SETD3: variants seen among roughly 807,000 people sequenced by gnomAD.
SETD3 encodes the protein actin-histidine N-methyltransferase.
Under a neutral mutation model 63.0 loss-of-function variants are expected in SETD3, and 19 were observed. The observed-to-expected ratio is 0.30, with a 90% CI of 0.21 to 0.44. The LOEUF is 0.44. SETD3 is among the 20% of genes least tolerant of loss of function. SETD3 has a pLI of 1.00. For synonymous variants in SETD3, 286 were observed against 264.1 expected (o/e 1.08, Z -0.80); for missense variants, 587 against 728.5 (o/e 0.81, Z 2.24).
upstream of SETD3, among the ~76,000 whole-genome samples, chr14:99,483,401 A>C (rs1896404772): frequency 6.6e-6 from 1 of 152,100 alleles, no homozygotes; most frequent in Non-Finnish European, 1.5e-5. Flanking sequence ...AAAAATCAAA[A>C]AATTAGCCAG....
In SETD3 at chr14:99,461,266, C is replaced by G. The variant is rs777078809; in HGVS notation, c.271G>C (p.Ala91Pro). Residue 91 changes from alanine to proline, a missense_variant, in exon 4 of 13, where the codon GCT becomes CCT. Ala to Pro is a conservative substitution (Grantham distance 27). Transcript: ENST00000331768. ...ACCATTTCAAAACCCTCGACAGAAG[C>G]CCCATTTTCAGAGGCCCATTTCATT... Reference protein sequence around the residue: ...DLMKWASENGASVEGFEMVNF... With the variant: ...DLMKWASENGPSVEGFEMVNF... The G allele has an allele frequency of 6.2e-7, 1 of 1,614,210 alleles. No individual in the cohort carries two copies. The highest frequency in any genetic ancestry group is 1.7e-5 in the Admixed American group (1 of 60,028).
Position 99,479,272 on chromosome 14 carries a change from G to A in SETD3, c.-9+1456C>T, listed in dbSNP as rs146722103. Among the ~76,000 whole-genome samples the A allele has an allele frequency of 1.1e-3, 162 of 152,328 alleles. 1 individual carries two copies. The highest frequency in any genetic ancestry group is 3.8e-3 in the African/African-American group (157 of 41,566). On this transcript the variant is annotated intron_variant, in intron 1 of 12. Coordinates refer to ENST00000331768, the MANE Select transcript of SETD3 (RefSeq NM_032233.3). The stretch of plus-strand genomic sequence containing the variant: ...ATAAAGAGGTTCTGTAGCTGTTTGA[G>A]AACTTGGCTTTGCAAACTACTTTCT...
At chr14:99,406,491 T>A (rs768066772) in intron 9 of SETD3, 25 bp downstream of exon 9, 1 of 1,610,998 alleles carries the variant, frequency 6.2e-7, no homozygotes, top group African/African-American at 1.3e-5. Context: ...CTGGCTCACA[T>A]TTTGTGAGAT....
At chr14:99,423,898 G>A (rs933329531) in intron 6 of SETD3, among the ~76,000 whole-genome samples, 3 of 151,346 alleles carry the variant, frequency 2.0e-5, no homozygotes, top group African/African-American at 7.3e-5. Flanking sequence ...ATCATACTTT[G>A]CCTTATATTT....
chr14:99,466,417 G>A lies in SETD3; in HGVS notation c.-8-604C>T, dbSNP rs1022508029. Among the ~76,000 whole-genome samples the A allele has an allele frequency of 2.6e-5, 4 of 152,286 alleles. No individual in the cohort carries two copies. In the South Asian group the frequency reaches 8.3e-4, roughly 32 times the overall value. Reference sequence around the variant, plus strand: ...ACCCGGGACTTGAACGAGGTCTCCCGTCGCGTTCCAGTGTGCCACACACGG... The same window carrying A: ...ACCCGGGACTTGAACGAGGTCTCCCATCGCGTTCCAGTGTGCCACACACGG... On this transcript the variant is annotated intron_variant, in intron 1 of 12. Coordinates refer to ENST00000331768, the MANE Select transcript of SETD3 (RefSeq NM_032233.3).
chr14:99,474,151 G>A (rs959622393), intron 1 of SETD3, among the ~76,000 whole-genome samples: 7 of 151,890 alleles, frequency 4.6e-5, no homozygotes, highest in South Asian at 4.1e-4. Flanking sequence ...TGAGACCCCC[G>A]CCAGCTCTAC....
chr14:99,418,115 A>G (rs2139655389), intron 6 of SETD3, among the ~76,000 whole-genome samples: 1 of 152,346 alleles, frequency 6.6e-6, no homozygotes, highest in South Asian at 2.1e-4. Flanking sequence ...ACTGTATGTT[A>G]AAGAATTTAC....
At chr14:99,421,244 GTTA>G (rs1418530002) in intron 6 of SETD3, among the ~76,000 whole-genome samples, 2 of 152,052 alleles carry the variant, frequency 1.3e-5, no homozygotes, top group Non-Finnish European at 2.9e-5. Flanking sequence ...ACGGTAAAAA[GTTA>G]TTATTTTATA....
chr14:99,410,087 G>A (rs370673955), intron 8 of SETD3: 146 of 853,592 alleles, frequency 1.7e-4, no homozygotes, highest in Non-Finnish European at 2.1e-4. Context: ...AGCTGGAGGC[G>A]TAGTCATTCC....
At chr14:99,473,620 G>T (rs1895818420) in intron 1 of SETD3, among the ~76,000 whole-genome samples, 1 of 152,126 alleles carries the variant, frequency 6.6e-6, no homozygotes, top group South Asian at 2.1e-4. Flanking sequence ...TGGTCCTAAG[G>T]ATGGCTTCCT....
At chr14:99,427,730 G>A (rs191699540) in intron 6 of SETD3, among the ~76,000 whole-genome samples, 1 of 152,298 alleles carries the variant, frequency 6.6e-6, no homozygotes, top group African/African-American at 2.4e-5. Flanking sequence ...GGGGGACAAT[G>A]AGCAAGATGA....
chr14:99,453,575 A>C (rs966482391), intron 6 of SETD3, among the ~76,000 whole-genome samples: 1 of 152,146 alleles, frequency 6.6e-6, no homozygotes, highest in Non-Finnish European at 1.5e-5. Context: ...CTGTAATCCC[A>C]GCACTTTGGG....
At chr14:99,480,626 G>A (rs1480743918) in intron 1 of SETD3, 102 bp downstream of exon 1, 8 of 150,760 alleles carry the variant, frequency 5.3e-5, no homozygotes, top group Non-Finnish European at 8.9e-5. Flanking sequence ...CTTCGGCCGA[G>A]GGGCGCTGGC....
intron 8 of SETD3, 69 bp downstream of exon 8, chr14:99,412,882 A>G (rs2139642425): frequency 9.1e-7 from 1 of 1,097,586 alleles, no homozygotes; most frequent in South Asian, 1.3e-5. Flanking sequence ...GTGGAATAAC[A>G]GCCCCCTCCC....
rs115858266 is a variant in SETD3 at position 99,415,775 on chromosome 14, A to G, written c.676-1841T>C. 1.6e-3 allele frequency among the ~76,000 whole-genome samples: 239 copies of G among 152,386 alleles called. No homozygotes were observed. The Middle Eastern group carries it at 0.02, about 13-fold the overall frequency. On this transcript the variant is annotated intron_variant, in intron 6 of 12. Transcript: ENST00000331768. ...ATCTGGTTAAAAAAAAGATTCTGCC[A>G]CTGACACATGCACTTAACAGTGACA...
chr14:99,472,831 C>CA (rs538041359), intron 1 of SETD3, among the ~76,000 whole-genome samples: 2 of 151,542 alleles, frequency 1.3e-5, no homozygotes, highest in Non-Finnish European at 2.9e-5. Flanking sequence ...AAAATAGGAC[C>CA]AAAAAAATGA....
chr14:99,407,951 T>C (rs376314022), intron 8 of SETD3, among the ~76,000 whole-genome samples: 2 of 152,212 alleles, frequency 1.3e-5, no homozygotes, highest in African/African-American at 2.4e-5. Context: ...CCAGCTTCTA[T>C]TAAAACCTCC....
chr14:99,409,400 G>A (rs775213848), intron 8 of SETD3, among the ~76,000 whole-genome samples: 5 of 152,260 alleles, frequency 3.3e-5, no homozygotes, highest in South Asian at 2.1e-4. Context: ...GGTGGCAGCC[G>A]GAGTTTGTTG....
At chr14:99,482,295 C>A (rs1189529752), upstream of SETD3, among the ~76,000 whole-genome samples, 1 of 152,230 alleles carries the variant, frequency 6.6e-6, no homozygotes, top group Non-Finnish European at 1.5e-5. Context: ...TCGCTGTTTA[C>A]AGATACCTAG....
Sources: allele counts gnomAD v4.1 joint callset (sites outside exome capture counted in the v4.1 genomes callset), GRCh38; gene constraint gnomAD v4.1.1; transcripts MANE v1.5; gene names NCBI Gene and HGNC (gene_info 2026-07-23, HGNC 2026-07-21).